The following ANXA10 variants were observed in gnomAD, a reference collection of about 807,000 sequenced individuals.
ANXA10 encodes annexin 14.
Under a neutral mutation model 53.5 loss-of-function variants are expected in ANXA10, and 49 were observed. That is an observed-to-expected ratio of 0.92 (90% CI 0.73 to 1.16). The LOEUF (loss-of-function observed/expected upper bound fraction) is 1.16. Among genes scored for constraint, ANXA10 ranks in the 50% most tolerant of loss-of-function variants. The probability of loss-of-function intolerance (pLI) is 0.00; values close to 1 mark genes in which losing one functional copy is unlikely to be tolerated. For synonymous variants in ANXA10, 131 were observed against 128.9 expected (o/e 1.02, Z -0.11); for missense variants, 393 against 394.4 (o/e 1.00, Z 0.03).
rs61179704 is a variant in ANXA10 at position 168,153,422 on chromosome 4, C to CAAAAAAAAAAAAAAAAAAAA, written c.196-9087_196-9086insAAAAAAAAAAAAAAAAAAAA. 6.0e-4 allele frequency among the ~76,000 whole-genome samples: 26 copies of CAAAAAAAAAAAAAAAAAAAA among 43,500 alleles called. 1 individual carries two copies. Among genetic ancestry groups the CAAAAAAAAAAAAAAAAAAAA allele is most frequent in the African/African-American group, 8.7e-4 (11 of 12,588 alleles). The allele number at this position is 43,500 out of a possible 152,430, so 28.5% of individuals were successfully genotyped here. A position where few individuals can be genotyped will look rare whatever the true frequency, so the allele number is the denominator to read the frequency against. ...GCTTCAAGCTGCTAAAAGCCTAAAG[C>CAAAAAAAAAAAAAAAAAAAA]AAAAAAAAAAAAAAAAAAACAAAAA... On this transcript the variant is annotated intron_variant, in intron 3 of 11. Transcript: ENST00000359299.
chr4:168,174,547 C>A (rs555710316), intron 6 of ANXA10, among the ~76,000 whole-genome samples: 1 of 152,332 alleles, frequency 6.6e-6, no homozygotes, highest in South Asian at 2.1e-4. Context: ...GCCCAACAGG[C>A]TGAATGGGCA....
intron 6 of ANXA10, among the ~76,000 whole-genome samples, chr4:168,175,998 G>A (rs1052202611): frequency 7.7e-6 from 1 of 130,492 alleles, no homozygotes; most frequent in Non-Finnish European, 1.6e-5. Context: ...GTGGGTGCAC[G>A]TTCAATGTCA....
At chr4:168,139,689 A>C in intron 3 of ANXA10, 109 bp downstream of exon 3, 1 of 681,758 alleles carries the variant, frequency 1.5e-6, no homozygotes, top group Non-Finnish European at 2.5e-6. Flanking sequence ...CAAATATCTC[A>C]GACATCATTA....
chr4:168,178,927 T>G lies in ANXA10; in HGVS notation c.629-290T>G, dbSNP rs377673006. Among the ~76,000 whole-genome samples the G allele has an allele frequency of 1.6e-4, 25 of 152,324 alleles. No individual in the cohort carries two copies. In the East Asian group the frequency reaches 2.9e-3, roughly 18 times the overall value. On this transcript the variant is annotated intron_variant, in intron 8 of 11. Coordinates refer to ENST00000359299, the MANE Select transcript of ANXA10 (RefSeq NM_007193.5). Reference sequence around the variant, plus strand: ...AACTGGTCCATAAATAATGGCTTGTTGTGTGCTTCCTCTCAATTTAAATCA... The same window carrying G: ...AACTGGTCCATAAATAATGGCTTGTGGTGTGCTTCCTCTCAATTTAAATCA...
chr4:168,179,704 A>C (rs566552035), intron 9 of ANXA10, among the ~76,000 whole-genome samples: 1 of 152,332 alleles, frequency 6.6e-6, no homozygotes, highest in African/African-American at 2.4e-5. Flanking sequence ...TTTAGGAGGA[A>C]AAGGATATTT....
At chr4:168,096,971 A>G (rs1730559866) in intron 1 of ANXA10, among the ~76,000 whole-genome samples, 1 of 113,606 alleles carries the variant, frequency 8.8e-6, no homozygotes, top group Non-Finnish European at 1.9e-5. Context: ...GCATATATGT[A>G]TGTGTATATA....
intron 3 of ANXA10, among the ~76,000 whole-genome samples, chr4:168,155,399 A>ATG (rs1380618781): frequency 9.6e-6 from 1 of 103,934 alleles, no homozygotes; most frequent in East Asian, 2.4e-4. Context: ...ATTATATATT[A>ATG]TATATTATAT....
intron 11 of ANXA10, among the ~76,000 whole-genome samples, chr4:168,186,970 TAATA>T (rs1464754908): frequency 6.6e-6 from 1 of 152,098 alleles, no homozygotes; most frequent in Non-Finnish European, 1.5e-5. Context: ...ATTACTACAT[TAATA>T]ATTATAAATA....
At chr4:168,110,339 G>T (rs1016858665) in intron 1 of ANXA10, among the ~76,000 whole-genome samples, 1 of 151,784 alleles carries the variant, frequency 6.6e-6, no homozygotes, top group South Asian at 2.1e-4. Context: ...TCATCCCCTG[G>T]TTTAGTTATA....
At chr4:168,156,306 A>AATATTATATATTATATTATATTATAT (rs1731676175) in intron 3 of ANXA10, among the ~76,000 whole-genome samples, 1 of 66,950 alleles carries the variant, frequency 1.5e-5, no homozygotes, top group African/African-American at 5.4e-5. Context: ...TATTATATAT[A>AATATTATATATTATATTATATTATAT]ATAGTATATA....
chr4:168,122,852 C>T (rs1731009896), intron 1 of ANXA10, among the ~76,000 whole-genome samples: 1 of 152,152 alleles, frequency 6.6e-6, no homozygotes, highest in Non-Finnish European at 1.5e-5. Context: ...AACACTGGAG[C>T]CCACATTTCA....
At chr4:168,145,388 C>G (rs1172552784) in intron 3 of ANXA10, among the ~76,000 whole-genome samples, 2 of 152,158 alleles carry the variant, frequency 1.3e-5, no homozygotes, top group African/African-American at 2.4e-5. Context: ...GCAAAGGCAG[C>G]CAAGGGGATT....
intron 1 of ANXA10, among the ~76,000 whole-genome samples, chr4:168,095,514 AATT>A (rs575009078): frequency 3.8e-4 from 58 of 152,166 alleles, no homozygotes; most frequent in African/African-American, 1.4e-3. Context: ...AACATATAGA[AATT>A]ATTATAATAA....
intron 1 of ANXA10, among the ~76,000 whole-genome samples, chr4:168,098,914 A>G (rs939298065): frequency 6.6e-5 from 10 of 152,120 alleles, no homozygotes; most frequent in Non-Finnish European, 1.2e-4. Context: ...ACTCACAGCA[A>G]CTTTGGATTG....
At chr4:168,154,447 A>G (rs919226350) in intron 3 of ANXA10, among the ~76,000 whole-genome samples, 2 of 152,198 alleles carry the variant, frequency 1.3e-5, no homozygotes, top group Admixed American at 6.5e-5. Context: ...TATATTTATC[A>G]TATAATGTGG....
At chr4:168,138,520 G>A (rs1412035016) in intron 2 of ANXA10, among the ~76,000 whole-genome samples, 4 of 152,162 alleles carry the variant, frequency 2.6e-5, no homozygotes, top group African/African-American at 7.2e-5. Context: ...GTGAAATCAG[G>A]TAATGTGATG....
rs540723806 is a variant in ANXA10, at chr4:168,139,381, C to T, written c.101-105C>T. The T allele has an allele frequency of 1.0e-5, 8 of 778,148 alleles. No homozygotes were observed. In the African/African-American group the frequency reaches 1.0e-4, roughly 10 times the overall value. The allele number at this position is 778,148 out of a possible 1,614,324, so 48.2% of individuals were successfully genotyped here. On this transcript the variant is annotated intron_variant, in intron 2 of 11. Transcript: ENST00000359299. ...TAAAATTGTTCCCTGCTGTAAAATA[C>T]CATCAGGGATAATGCGTGCATACTG...
chr4:168,169,832 T>C (rs1478880571), intron 6 of ANXA10, among the ~76,000 whole-genome samples: 1 of 152,218 alleles, frequency 6.6e-6, no homozygotes, highest in Admixed American at 6.5e-5. Context: ...TTAGCATTTC[T>C]GCACCTCTTT....
chr4:168,186,098 A>G (rs972458473), intron 11 of ANXA10, among the ~76,000 whole-genome samples: 2 of 152,204 alleles, frequency 1.3e-5, no homozygotes, highest in Admixed American at 1.3e-4. Flanking sequence ...ATTAATCACA[A>G]CCGACTCAAA....
Sources: gnomAD v4.1 joint callset for allele counts (sites outside exome capture counted in the v4.1 genomes callset) on GRCh38, gnomAD v4.1.1 for gene constraint, MANE v1.5 for transcripts, NCBI Gene and HGNC (gene_info 2026-07-23, HGNC 2026-07-21) for gene names.